The following ABLIM1 variants were observed in gnomAD, a reference collection of about 807,000 sequenced individuals.
ABLIM1 encodes the protein actin-binding LIM protein 1.
Under a neutral mutation model 107.0 loss-of-function variants are expected in ABLIM1, and 40 were observed. That is an observed-to-expected ratio of 0.37 (90% CI 0.29 to 0.49). The LOEUF (loss-of-function observed/expected upper bound fraction) is 0.49, where lower values mean the gene tolerates loss of function less well. Ranked by LOEUF, ABLIM1 falls within the 20% of genes least tolerant of loss-of-function variation. The probability of loss-of-function intolerance (pLI) is 0.97; values close to 1 mark genes in which losing one functional copy is unlikely to be tolerated. For synonymous variants in ABLIM1, 357 were observed against 357.3 expected, an observed-to-expected ratio of 1.00 and a Z score of 0.01; for missense variants, 857 against 1,008.5, an observed-to-expected ratio of 0.85 and a Z score of 2.04.
At chr10:114,573,402 C>T (rs1163639674) in intron 3 of ABLIM1, among the ~76,000 whole-genome samples, 3 of 152,198 alleles carry the variant, frequency 2.0e-5, no homozygotes, top group Non-Finnish European at 4.4e-5. Flanking sequence ...TATCGTCATT[C>T]GGCAGCAGTA....
At chr10:114,772,708 A>T (rs1242398935), upstream of ABLIM1, among the ~76,000 whole-genome samples, 1 of 152,214 alleles carries the variant, frequency 6.6e-6, no homozygotes, top group Non-Finnish European at 1.5e-5. Flanking sequence ...ATACACAGGA[A>T]AAGAAGCCAT....
At chr10:114,631,855 C>T in intron 1 of ABLIM1, 1 of 1,301,280 alleles carries the variant, frequency 7.7e-7, no homozygotes, top group East Asian at 5.7e-5. Context: ...CCTGCGGTGC[C>T]ATTCCAACTT....
At chr10:114,544,171 G>A (rs1318770644) in intron 6 of ABLIM1, among the ~76,000 whole-genome samples, 2 of 152,196 alleles carry the variant, frequency 1.3e-5, no homozygotes, top group African/African-American at 4.8e-5. Context: ...GACAAAGCAA[G>A]ATGACAAGCT....
chr10:114,795,642 A>G, the ABLIM1 span, among the ~76,000 whole-genome samples: 1 of 151,856 alleles, frequency 6.6e-6, no homozygotes, highest in Non-Finnish European at 1.5e-5. Context: ...ACGGGAGGCA[A>G]AGGTTGCAGT....
In ABLIM1 at chr10:114,542,005, TAAG is replaced by T. The variant is rs376367969; in HGVS notation, c.894+2997_894+2999del. 3.7e-3 allele frequency among the ~76,000 whole-genome samples: 562 copies of T among 152,022 alleles called. 3 individuals carry two copies. The highest frequency in any genetic ancestry group is 0.013 in the African/African-American group (532 of 41,310). On this transcript the variant is annotated intron_variant, in intron 6 of 22. Transcript: ENST00000533213. ...GGGGAACACAGCTCCACATGTGGAC[TAAG>T]AAGACTGCAAACACGGCTGTCACAA...
At chr10:114,661,502 A>G (rs2079794855), upstream of ABLIM1, among the ~76,000 whole-genome samples, 1 of 152,190 alleles carries the variant, frequency 6.6e-6, no homozygotes, top group African/African-American at 2.4e-5. Context: ...CACCCAGGAA[A>G]GCACAGTTGG....
At chr10:114,444,205 G>T in intron 16 of ABLIM1, 71 bp from the exon 17 acceptor site, 1 of 1,329,416 alleles carries the variant, frequency 7.5e-7, no homozygotes, top group Non-Finnish European at 1.0e-6. Context: ...TGGAGCTGCA[G>T]TTTCTTTGTA....
At chr10:114,714,960 A>T (rs2081629651) in intron 1 of ABLIM1, among the ~76,000 whole-genome samples, 1 of 152,186 alleles carries the variant, frequency 6.6e-6, no homozygotes, top group Non-Finnish European at 1.5e-5. Context: ...CATGAAGGCA[A>T]GAGTGACTCC....
At chr10:114,583,485 A>ATATG (rs2073841119) in intron 2 of ABLIM1, among the ~76,000 whole-genome samples, 2 of 24,518 alleles carry the variant, frequency 8.2e-5, no homozygotes, top group Admixed American at 4.7e-4. Flanking sequence ...ATATATATAT[A>ATATG]TATATATATA....
chr10:114,711,194 G>A (rs1046956620), intron 1 of ABLIM1, among the ~76,000 whole-genome samples: 3 of 152,206 alleles, frequency 2.0e-5, no homozygotes, highest in Non-Finnish European at 4.4e-5. Context: ...GAACGGAATG[G>A]CTTCTGCTTT....
chr10:114,676,959 C>T (rs1288440238), intron 1 of ABLIM1, among the ~76,000 whole-genome samples: 1 of 152,150 alleles, frequency 6.6e-6, no homozygotes, highest in Non-Finnish European at 1.5e-5. Flanking sequence ...TGGTCCCAAA[C>T]TCCTAACCTC....
At chr10:114,704,298 CTCTCTA>C (rs1440016389) in intron 1 of ABLIM1, among the ~76,000 whole-genome samples, 256 of 28,716 alleles carry the variant, frequency 8.9e-3, no homozygotes, top group African/African-American at 0.029. Flanking sequence ...CTCTCTCTCT[CTCTCTA>C]TATATATATA....
At chr10:114,694,843 T>C (rs904995874) in intron 1 of ABLIM1, among the ~76,000 whole-genome samples, 3 of 152,210 alleles carry the variant, frequency 2.0e-5, no homozygotes, top group African/African-American at 7.2e-5. Context: ...AACTTACAGA[T>C]TGGGATCATA....
At chr10:114,566,735 T>C (rs914475483) in intron 4 of ABLIM1, among the ~76,000 whole-genome samples, 1 of 152,180 alleles carries the variant, frequency 6.6e-6, no homozygotes, top group African/African-American at 2.4e-5. Flanking sequence ...ACTGAAGTTG[T>C]TTGCGTCTAT....
At chr10:114,620,614 G>T (rs556819615) in intron 1 of ABLIM1, among the ~76,000 whole-genome samples, 2 of 152,134 alleles carry the variant, frequency 1.3e-5, no homozygotes, top group South Asian at 4.2e-4. Flanking sequence ...GTTTCACCAT[G>T]TTGCCCAGGC....
At chr10:114,585,179 A>T (rs1396432651) in intron 2 of ABLIM1, among the ~76,000 whole-genome samples, 1 of 152,244 alleles carries the variant, frequency 6.6e-6, no homozygotes, top group Non-Finnish European at 1.5e-5. Context: ...AGGGAATTAC[A>T]TTTCAAACTA....
chr10:114,600,475 A>C (rs1346425438), intron 2 of ABLIM1, among the ~76,000 whole-genome samples: 1 of 152,152 alleles, frequency 6.6e-6, no homozygotes, highest in Non-Finnish European at 1.5e-5. Context: ...CTCTCAGTGT[A>C]AGGAACAGCT....
intron 1 of ABLIM1, among the ~76,000 whole-genome samples, chr10:114,654,756 G>A (rs1218987009): frequency 1.3e-5 from 2 of 152,172 alleles, no homozygotes; most frequent in Non-Finnish European, 2.9e-5. Context: ...GTCTGGATGG[G>A]GAATCTGAGC....
intron 3 of ABLIM1, among the ~76,000 whole-genome samples, chr10:114,575,154 A>G (rs1047180753): frequency 6.6e-6 from 1 of 152,206 alleles, no homozygotes; most frequent in Non-Finnish European, 1.5e-5. Context: ...TTGCTCCAAA[A>G]TGTTTTGAGA....
Sources: gnomAD v4.1 joint callset for allele counts (sites outside exome capture counted in the v4.1 genomes callset) on GRCh38, gnomAD v4.1.1 for gene constraint, MANE v1.5 for transcripts, NCBI Gene and HGNC (gene_info 2026-07-23, HGNC 2026-07-21) for gene names.